Variants in SLFN12L observed in about 807,000 individuals in gnomAD.
SLFN12L encodes the protein schlafen family member 12 like.
In SLFN12L, 34 loss-of-function variants were observed where a neutral mutation model predicts 34.8. That is an observed-to-expected ratio of 0.98 (90% confidence interval 0.74 to 1.30). The LOEUF is 1.30. SLFN12L is among the 50% of genes most tolerant of loss of function. The probability of loss-of-function intolerance (pLI) is 0.00; values close to 1 mark genes in which losing one functional copy is unlikely to be tolerated. For missense variants in SLFN12L, 703 were observed against 696.2 expected (o/e 1.01, Z -0.11); for synonymous variants, 259 against 247.5 (o/e 1.05, Z -0.44).
chr17:35,522,860 C>G lies in SLFN12L; in HGVS notation c.-496G>C. The G allele has an allele frequency of 1.0e-6, 1 of 975,204 alleles. No homozygotes were observed. Among genetic ancestry groups the G allele is most frequent in the Non-Finnish European group, 1.6e-6 (1 of 628,892 alleles). 60.4% of individuals were successfully genotyped at this position (975,204 alleles called of 1,614,324 possible). A position where few individuals can be genotyped will look rare whatever the true frequency, so the allele number is the denominator to read the frequency against. ...AGCTTCTAGAGAGGATCACAATTCC[C>G]CAGGAGAAAGGTTGGGTTTGCTTAT... On this transcript the variant is annotated 5_prime_UTR_variant, in exon 2 of 5. Coordinates refer to ENST00000628453, the MANE Select transcript of SLFN12L (RefSeq NM_001363830.2).
intron 1 of SLFN12L, among the ~76,000 whole-genome samples, chr17:35,523,411 A>G (rs910760002): frequency 6.6e-6 from 1 of 152,254 alleles, no homozygotes. Context: ...GAAGGTACTC[A>G]TTAGCACAAT....
At position 35,474,443 on chromosome 17, in the gene SLFN12L, A is replaced by G. The variant is rs998548600; in HGVS notation, c.*480T>C. Reference sequence around the variant, plus strand: ...CATCACGTCAAGTTGCCTAACTTGCAATGTTTTCAAAGACGTATTTTTAGA... The same window carrying G: ...CATCACGTCAAGTTGCCTAACTTGCGATGTTTTCAAAGACGTATTTTTAGA... On this transcript the variant is annotated 3_prime_UTR_variant, in exon 5 of 5. Transcript: ENST00000628453. 1 of 152,834 alleles carries G rather than the reference A, an allele frequency of 6.5e-6. No individual in the cohort carries two copies. The highest frequency in any genetic ancestry group is 2.4e-5 in the African/African-American group (1 of 41,450). The allele number at this position is 152,834 out of a possible 1,614,324, so 9.5% of individuals were successfully genotyped here.
chr17:35,492,435 C>T (rs1459999952), intron 2 of SLFN12L, among the ~76,000 whole-genome samples: 1 of 152,182 alleles, frequency 6.6e-6, no homozygotes, highest in East Asian at 1.9e-4. Flanking sequence ...AAGGAGACCA[C>T]TTCTCAGGAT....
chr17:35,503,327 G>T (rs371320375), intron 2 of SLFN12L, among the ~76,000 whole-genome samples: 4 of 152,102 alleles, frequency 2.6e-5, no homozygotes, highest in African/African-American at 9.7e-5. Flanking sequence ...AACACAACAG[G>T]TTTCTCTTAA....
Position 35,522,456 on chromosome 17 carries a change from T to C in SLFN12L, c.-92A>G. The C allele has an allele frequency of 1.2e-6, 2 of 1,614,012 alleles. No individual in the cohort carries two copies. Among genetic ancestry groups the C allele is most frequent in the South Asian group, 1.1e-5 (1 of 91,074 alleles). Reference sequence around the variant, plus strand: ...GTGGAAGCTTCTGGAGAATATCTCATACTGCTGGGCTGTGAGCAGATTTAA... The same window carrying C: ...GTGGAAGCTTCTGGAGAATATCTCACACTGCTGGGCTGTGAGCAGATTTAA... On this transcript the variant is annotated 5_prime_UTR_variant, in exon 2 of 5. An upstream start codon of the reference 5' UTR is lost. Transcript: ENST00000628453.
rs543183764 is a variant in SLFN12L, at chr17:35,472,554, A to G, written c.*2369T>C. Among the ~76,000 whole-genome samples the G allele has an allele frequency of 2.6e-4, 39 of 152,172 alleles. No individual in the cohort carries two copies. The highest frequency in any genetic ancestry group is 4.1e-4 in the Non-Finnish European group (28 of 68,022). On this transcript the variant is annotated 3_prime_UTR_variant, in exon 5 of 5. Transcript: ENST00000628453. ...ACTGTAGCCATGTAGTGTAGTTTGA[A>G]GTCAGGTAGCATAATGCCTCCAGCT...
In SLFN12L at chr17:35,522,846, A is replaced by G; in HGVS notation, c.-482T>C. On this transcript the variant is annotated 5_prime_UTR_variant, in exon 2 of 5. Coordinates refer to ENST00000628453, the MANE Select transcript of SLFN12L (RefSeq NM_001363830.2). ...CAGGTCCACAGCCTAGCTTCTAGAGAGGATCACAATTCCCCAGGAGAAAGG... is the reference window on the plus strand; with the variant it reads ...CAGGTCCACAGCCTAGCTTCTAGAGGGGATCACAATTCCCCAGGAGAAAGG... The G allele has an allele frequency of 8.7e-7, 1 of 1,148,544 alleles. No individual in the cohort carries two copies. The highest frequency in any genetic ancestry group is 1.3e-5 in the South Asian group (1 of 75,774). 71.1% of individuals were successfully genotyped at this position (1,148,544 alleles called of 1,614,324 possible).
At position 35,530,500 on chromosome 17, in the gene SLFN12L, GAAAGAAAGAAAGAAAAGAAAAGA is replaced by G. The variant is rs2072395773; in HGVS notation, c.-606+7050_-606+7072del. Among the ~76,000 whole-genome samples, 3 of 34,738 alleles carry G rather than the reference GAAAGAAAGAAAGAAAAGAAAAGA, an allele frequency of 8.6e-5. No homozygotes were observed. The South Asian group carries it at 2.4e-3, about 28-fold the overall frequency. 22.8% of individuals were successfully genotyped at this position (34,738 alleles called of 152,430 possible). ...AGAAAGAAAGAAAGAAAGAAAGAAA[GAAAGAAAGAAAGAAAAGAAAAGA>G]AAAGAAAAGAAAAGAAAAGAAAGAA... On this transcript the variant is annotated intron_variant, in intron 1 of 4. Coordinates refer to ENST00000628453, the MANE Select transcript of SLFN12L (RefSeq NM_001363830.2).
chr17:35,536,046 T>G (rs1250391820), intron 1 of SLFN12L, among the ~76,000 whole-genome samples: 1 of 152,082 alleles, frequency 6.6e-6, no homozygotes, highest in African/African-American at 2.4e-5. Context: ...CTCAAACTTC[T>G]GGGCTCAAGC....
intron 3 of SLFN12L, 133 bp from the exon 4 acceptor site, chr17:35,478,318 T>A (rs1914130204): frequency 5.2e-6 from 3 of 581,004 alleles, no homozygotes; most frequent in Non-Finnish European, 9.0e-6. Flanking sequence ...ACATTAGATA[T>A]TGTGGTTACA....
intron 2 of SLFN12L, among the ~76,000 whole-genome samples, chr17:35,481,290 C>T (rs1914327216): frequency 6.6e-6 from 1 of 152,156 alleles, no homozygotes; most frequent in African/African-American, 2.4e-5. Context: ...TCTGCTCCAC[C>T]ACCTCTTGTG....
intron 2 of SLFN12L, among the ~76,000 whole-genome samples, chr17:35,506,546 G>A (rs376708254): frequency 4.7e-4 from 72 of 152,102 alleles, no homozygotes; most frequent in Non-Finnish European, 4.1e-4. Context: ...CTGGATCCTC[G>A]AGTAAATATC....
At position 35,480,863 on chromosome 17, in the gene SLFN12L, C is replaced by T. The variant is rs1914305243; in HGVS notation, c.87-668G>A. Among the ~76,000 whole-genome samples, 3 of 151,802 alleles carry T rather than the reference C, an allele frequency of 2.0e-5. No individual in the cohort carries two copies. The South Asian group carries it at 6.2e-4, about 32-fold the overall frequency. The stretch of plus-strand genomic sequence containing the variant: ...AGGTGCCAAGGCAAGAGACTGAGGG[C>T]ACAAGCTCTTCCAGTATAATAAAGA... On this transcript the variant is annotated intron_variant, in intron 2 of 4. Transcript: ENST00000628453.
At chr17:35,536,346 C>G (rs2072461113) in intron 1 of SLFN12L, among the ~76,000 whole-genome samples, 1 of 152,138 alleles carries the variant, frequency 6.6e-6, no homozygotes, top group African/African-American at 2.4e-5. Context: ...CACAGCTAGA[C>G]AGAACATCTA....
Position 35,479,539 on chromosome 17 carries a change from A to G in SLFN12L, c.743T>C (p.Ile248Thr). Residue 248 changes from isoleucine (I) to threonine (T), a missense_variant, in exon 3 of 5, where the codon ATA becomes ACA. Transcript: ENST00000628453. ...CAACTTTTCAGTCGAGAAGTTTTTT[A>G]TTTCAACGTGTGTGGATTCAGTAAA... ...LTFTESTHVE[I>T]KNFSTEKLLQ... 9 of 1,614,146 alleles carry G rather than the reference A, an allele frequency of 5.6e-6. No individual in the cohort carries two copies. The highest frequency in any genetic ancestry group is 4.4e-5 in the South Asian group (4 of 91,076).
At position 35,475,474 on chromosome 17, in the gene SLFN12L, T is replaced by C; in HGVS notation, c.1288A>G (p.Lys430Glu). 1 of 1,606,212 alleles carries C rather than the reference T, an allele frequency of 6.2e-7. No individual in the cohort carries two copies. Among genetic ancestry groups the C allele is most frequent in the African/African-American group, 1.3e-5 (1 of 74,472 alleles). The change falls in exon 5 of 5, where the codon AAG becomes GAG. Residue 430 changes from lysine (K) to glutamate (E), a missense_variant. Physicochemically the swap from Lys to Glu is moderately conservative, Grantham distance 56 (BLOSUM62 1). Coordinates refer to ENST00000628453, the MANE Select transcript of SLFN12L (RefSeq NM_001363830.2). ...LRYHLPGLSE[K>E]ITCAPKTFCR... is the part of the protein sequence containing the mutation. ...AAGGTTTTTGGAGCACAAGTTATCT[T>C]TTCTGATAGCCCTAGATGGGGAAAT...
At chr17:35,501,743 A>G (rs1915301199) in intron 2 of SLFN12L, among the ~76,000 whole-genome samples, 1 of 152,192 alleles carries the variant, frequency 6.6e-6, no homozygotes, top group South Asian at 2.1e-4. Context: ...TGTAAGGTAG[A>G]CTGGCCAGCA....
chr17:35,494,879 AATTTATTTATTTT>A (rs751537492), intron 2 of SLFN12L, among the ~76,000 whole-genome samples: 1 of 148,924 alleles, frequency 6.7e-6, no homozygotes, highest in South Asian at 2.2e-4. Context: ...TAATTTTATT[AATTTATTTATTTT>A]ATTTATTTAT....
At chr17:35,513,932 G>A (rs1283035123) in intron 2 of SLFN12L, among the ~76,000 whole-genome samples, 9 of 152,152 alleles carry the variant, frequency 5.9e-5, no homozygotes, top group East Asian at 1.9e-4. Flanking sequence ...GCAAGCACGC[G>A]AAATTCAGAA....
Sources: allele counts gnomAD v4.1 joint callset (sites outside exome capture counted in the v4.1 genomes callset), GRCh38; gene constraint gnomAD v4.1.1; transcripts MANE v1.5; gene names NCBI Gene and HGNC (gene_info 2026-07-23, HGNC 2026-07-21).